Variants in CACNA2D3 observed in about 807,000 individuals in gnomAD.
The protein encoded by CACNA2D3 is calcium voltage-gated channel auxiliary subunit alpha2delta 3.
In CACNA2D3, 60 loss-of-function variants were observed where a neutral mutation model predicts 160.6. The observed-to-expected ratio is 0.37, with a 90% CI of 0.30 to 0.46. The LOEUF is 0.46. Ranked by LOEUF, CACNA2D3 falls within the 20% of genes least tolerant of loss-of-function variation. CACNA2D3 has a pLI of 1.00. For missense variants in CACNA2D3, 1,205 were observed against 1,365.0 expected (o/e 0.88, Z 1.85); for synonymous variants, 558 against 492.9 (o/e 1.13, Z -1.75).
intron 27 of CACNA2D3, among the ~76,000 whole-genome samples, chr3:54,957,276 A>G (rs1246391883): frequency 6.6e-6 from 1 of 151,874 alleles, no homozygotes; most frequent in African/African-American, 2.4e-5. Context: ...CTTCCTACGG[A>G]ACTTAGACTA....
At chr3:54,563,007 A>C in intron 6 of CACNA2D3, 76 bp downstream of exon 6, 1 of 1,389,436 alleles carries the variant, frequency 7.2e-7, no homozygotes, top group East Asian at 2.4e-5. Context: ...TTAGGGTTCA[A>C]GGTTAAAACT....
At chr3:54,475,830 T>TGTGTGTGTGTGTGTGTGTGA (rs1178886072) in intron 4 of CACNA2D3, among the ~76,000 whole-genome samples, 1 of 151,730 alleles carries the variant, frequency 6.6e-6, no homozygotes, top group Non-Finnish European at 1.5e-5. Context: ...TGTGTGTGTG[T>TGTGTGTGTGTGTGTGTGTGA]GTGTGTGACA....
chr3:54,590,575 G>A (rs1412426144), intron 9 of CACNA2D3, among the ~76,000 whole-genome samples: 1 of 149,992 alleles, frequency 6.7e-6, no homozygotes. Context: ...AGAATACCAG[G>A]TAAAGAATGT....
chr3:54,566,609 A>C (rs1312531898), intron 6 of CACNA2D3, among the ~76,000 whole-genome samples: 1 of 152,244 alleles, frequency 6.6e-6, no homozygotes, highest in Non-Finnish European at 1.5e-5. Flanking sequence ...TATACATCAC[A>C]GACAGGTCAC....
At chr3:54,571,985 C>T (rs1189640233) in intron 8 of CACNA2D3, among the ~76,000 whole-genome samples, 4 of 152,074 alleles carry the variant, frequency 2.6e-5, no homozygotes, top group African/African-American at 4.8e-5. Flanking sequence ...GAGGGTGCTC[C>T]GAGAATGCTG....
chr3:54,461,981 T>G (rs1700514318), intron 4 of CACNA2D3, among the ~76,000 whole-genome samples: 1 of 152,224 alleles, frequency 6.6e-6, no homozygotes, highest in African/African-American at 2.4e-5. Context: ...GTTGTGTCTT[T>G]GTTCTGGTTG....
At chr3:54,469,920 A>G (rs998566535) in intron 4 of CACNA2D3, among the ~76,000 whole-genome samples, 1 of 152,160 alleles carries the variant, frequency 6.6e-6, no homozygotes, top group African/African-American at 2.4e-5. Flanking sequence ...TCCAAGAAAT[A>G]TGGGACTATG....
At chr3:54,860,289 T>G (rs1304914106) in intron 17 of CACNA2D3, among the ~76,000 whole-genome samples, 1 of 152,168 alleles carries the variant, frequency 6.6e-6, no homozygotes, top group African/African-American at 2.4e-5. Context: ...GTAGAGATTT[T>G]AGAAATGTAT....
intron 21 of CACNA2D3, among the ~76,000 whole-genome samples, chr3:54,881,899 A>C (rs975745042): frequency 1.3e-5 from 2 of 152,228 alleles, no homozygotes; most frequent in African/African-American, 4.8e-5. Flanking sequence ...CCAAACCCCT[A>C]GATAGCCTCT....
chr3:54,734,136 G>A (rs750659864), intron 11 of CACNA2D3, among the ~76,000 whole-genome samples: 1 of 152,170 alleles, frequency 6.6e-6, no homozygotes, highest in African/African-American at 2.4e-5. Context: ...GAAGGAAATC[G>A]TTGTCCAAGA....
At chr3:54,649,493 G>T (rs187435126) in intron 11 of CACNA2D3, among the ~76,000 whole-genome samples, 2 of 152,204 alleles carry the variant, frequency 1.3e-5, no homozygotes, top group Non-Finnish European at 2.9e-5. Context: ...CAATGACTGG[G>T]TGGCTTATAA....
intron 9 of CACNA2D3, among the ~76,000 whole-genome samples, chr3:54,613,027 T>G (rs1351973260): frequency 1.3e-5 from 2 of 152,144 alleles, no homozygotes; most frequent in Non-Finnish European, 2.9e-5. Context: ...CTGGCCACAT[T>G]CACAGGTGGA....
chr3:54,507,058 T>C (rs1485829047), intron 5 of CACNA2D3, among the ~76,000 whole-genome samples: 2 of 152,220 alleles, frequency 1.3e-5, no homozygotes. Context: ...TGTGCATGTT[T>C]CTGTCTATGG....
intron 35 of CACNA2D3, among the ~76,000 whole-genome samples, chr3:55,024,964 G>C (rs867217039): frequency 8.5e-5 from 13 of 152,096 alleles, no homozygotes; most frequent in African/African-American, 3.1e-4. Flanking sequence ...TATAATGATT[G>C]AGATCCTTTT....
At chr3:54,531,062 G>A (rs1701798713) in intron 5 of CACNA2D3, among the ~76,000 whole-genome samples, 1 of 152,252 alleles carries the variant, frequency 6.6e-6, no homozygotes, top group African/African-American at 2.4e-5. Flanking sequence ...AGAGCCTGCA[G>A]AAACTTGAGC....
At chr3:54,999,908 A>G (rs1338916330) in intron 31 of CACNA2D3, among the ~76,000 whole-genome samples, 1 of 152,204 alleles carries the variant, frequency 6.6e-6, no homozygotes, top group African/African-American at 2.4e-5. Flanking sequence ...CAGGGCTACC[A>G]GGCTTTGTTT....
intron 2 of CACNA2D3, among the ~76,000 whole-genome samples, chr3:54,206,562 C>T (rs748388135): frequency 3.3e-5 from 5 of 152,122 alleles, no homozygotes; most frequent in African/African-American, 4.8e-5. Context: ...GAAACCCTGC[C>T]GCGACCCAAC....
intron 2 of CACNA2D3, among the ~76,000 whole-genome samples, chr3:54,216,978 AGTGC>A (rs1380353342): frequency 6.6e-6 from 1 of 152,158 alleles, no homozygotes; most frequent in African/African-American, 2.4e-5. Flanking sequence ...GGCGGTGACA[AGTGC>A]GTGGAGAAGG....
chr3:54,901,724 G>A (rs140100883), intron 27 of CACNA2D3, among the ~76,000 whole-genome samples: 106 of 152,274 alleles, frequency 7.0e-4, no homozygotes, highest in Middle Eastern at 6.8e-3. Flanking sequence ...TTTTAGAATT[G>A]GTGACTGTTA....
Sources: gnomAD v4.1 joint callset for allele counts (sites outside exome capture counted in the v4.1 genomes callset) on GRCh38, gnomAD v4.1.1 for gene constraint, MANE v1.5 for transcripts, NCBI Gene and HGNC (gene_info 2026-07-23, HGNC 2026-07-21) for gene names.